CHST3: variants seen among roughly 807,000 people sequenced by gnomAD.
CHST3 encodes C6ST-1.
Under a neutral mutation model 35.4 loss-of-function variants are expected in CHST3, and 20 were observed. The observed-to-expected ratio is 0.57, with a 90% CI of 0.40 to 0.82. The LOEUF is 0.82. CHST3 is among the 40% of genes least tolerant of loss of function. The pLI is 0.00. For missense variants in CHST3, 693 were observed against 670.1 expected, an observed-to-expected ratio of 1.03 and a Z score of -0.38; for synonymous variants, 334 against 295.9, an observed-to-expected ratio of 1.13 and a Z score of -1.32.
At chr10:71,997,896 G>A (rs1395432186) in intron 1 of CHST3, among the ~76,000 whole-genome samples, 1 of 152,000 alleles carries the variant, frequency 6.6e-6, no homozygotes, top group Non-Finnish European at 1.5e-5. Context: ...TTGAACTCCT[G>A]ACCTCGTGAT....
chr10:71,972,623 T>C (rs1306988733), intron 1 of CHST3, among the ~76,000 whole-genome samples: 1 of 152,188 alleles, frequency 6.6e-6, no homozygotes, highest in Non-Finnish European at 1.5e-5. Context: ...TCTGCCTCCC[T>C]AGTGGCCATT....
rs1240581479 is a variant in CHST3, at chr10:72,008,261, C to T, written c.1230C>T (p.Asp410=). ...WIQKNTQAAH[D]GSGIYSTQKN... ...AAAAGAACACGCAGGCGGCCCACGA[C>T]GGCAGCGGCATCTACTCCACGCAGA... is the stretch of plus-strand genomic sequence containing the variant. Residue 410 remains aspartate, a synonymous_variant, in exon 3 of 3, where the codon GAC becomes GAT. Transcript: ENST00000373115. 3 of 1,580,536 alleles carry T rather than the reference C, an allele frequency of 1.9e-6. No individual in the cohort carries two copies. Among genetic ancestry groups the T allele is most frequent in the African/African-American group, 2.7e-5 (2 of 74,168 alleles).
At chr10:71,985,542 A>G (rs984140320) in intron 1 of CHST3, among the ~76,000 whole-genome samples, 2 of 151,954 alleles carry the variant, frequency 1.3e-5, no homozygotes, top group Admixed American at 6.6e-5. Context: ...TTTGAACCCA[A>G]CTAGTTCACT....
intron 1 of CHST3, among the ~76,000 whole-genome samples, chr10:71,979,230 G>A (rs563457430): frequency 4.6e-5 from 7 of 152,282 alleles, no homozygotes; most frequent in Admixed American, 2.0e-4. Flanking sequence ...GGCCTTGGGC[G>A]GGTCGCTCAG....
At chr10:71,984,783 T>C (rs1839832274) in intron 1 of CHST3, among the ~76,000 whole-genome samples, 1 of 152,242 alleles carries the variant, frequency 6.6e-6, no homozygotes, top group African/African-American at 2.4e-5. Context: ...AACAATTCCT[T>C]GTTCACTGTG....
At chr10:71,996,356 A>G (rs1026637661) in intron 1 of CHST3, among the ~76,000 whole-genome samples, 1 of 151,972 alleles carries the variant, frequency 6.6e-6, no homozygotes, top group Non-Finnish European at 1.5e-5. Context: ...ACAGAGATTC[A>G]TTGCTAACTT....
intron 1 of CHST3, among the ~76,000 whole-genome samples, chr10:71,971,161 G>A (rs1349779928): frequency 6.6e-6 from 1 of 152,188 alleles, no homozygotes; most frequent in Non-Finnish European, 1.5e-5. Flanking sequence ...GAGTGGCTGA[G>A]GGCCCTTCTC....
At chr10:71,996,448 C>CTGTG (rs1477534122) in intron 1 of CHST3, among the ~76,000 whole-genome samples, 19 of 106,160 alleles carry the variant, frequency 1.8e-4, no homozygotes, top group African/African-American at 7.7e-4. Flanking sequence ...GTATGTGTCT[C>CTGTG]TGCGTGTGTG....
intron 1 of CHST3, among the ~76,000 whole-genome samples, chr10:71,986,760 C>G (rs928991369): frequency 8.5e-5 from 13 of 152,222 alleles, no homozygotes; most frequent in African/African-American, 2.9e-4. Context: ...CAGCCAGTGT[C>G]CCTCCCCTGC....
intron 1 of CHST3, among the ~76,000 whole-genome samples, chr10:72,004,643 C>G (rs1397424035): frequency 6.6e-6 from 1 of 152,178 alleles, no homozygotes; most frequent in African/African-American, 2.4e-5. Flanking sequence ...TAGATGCAGC[C>G]ATTGTTACCA....
Position 72,008,219 on chromosome 10 carries a change from G to C in CHST3, c.1188G>C (p.Gln396His). ...TCGCCGGCATCCCCCTGACCCCGCA[G>C]GTGGAAGACTGGATCCAAAAGAACA... ...YRFAGIPLTP[Q>H]VEDWIQKNTQ... The change falls in exon 3 of 3, where the codon CAG (glutamine) becomes CAC (histidine). Residue 396 changes from glutamine to histidine, a missense_variant. By Grantham distance (24) the Gln-to-His change is conservative. Coordinates refer to ENST00000373115, the MANE Select transcript of CHST3 (RefSeq NM_004273.5). 4 of 1,556,752 alleles carry C rather than the reference G, an allele frequency of 2.6e-6. No individual in the cohort carries two copies. The highest frequency in any genetic ancestry group is 3.5e-6 in the Non-Finnish European group (4 of 1,150,452).
intron 1 of CHST3, among the ~76,000 whole-genome samples, chr10:71,991,778 C>CA (rs1447902677): frequency 1.3e-5 from 2 of 151,912 alleles, no homozygotes; most frequent in Admixed American, 6.6e-5. Context: ...ACTAAATATA[C>CA]AAAAAATTAG....
In CHST3 at chr10:72,007,235, C is replaced by A. The variant is rs1840047718; in HGVS notation, c.204C>A (p.Ala68=). 1 of 1,614,236 alleles carries A rather than the reference C, an allele frequency of 6.2e-7. No homozygotes were observed. Among genetic ancestry groups the A allele is most frequent in the Non-Finnish European group, 8.5e-7 (1 of 1,180,050 alleles). Residue 68 remains alanine, a synonymous_variant, in exon 3 of 3, where the codon GCC becomes GCA. Coordinates refer to ENST00000373115, the MANE Select transcript of CHST3 (RefSeq NM_004273.5). The part of the protein sequence containing the change: ...ALADANSTDP[A]LILAENASLL... ...CAGATGCCAACAGCACCGACCCAGC[C>A]CTGATCTTAGCTGAGAACGCATCTC...
At chr10:71,978,787 C>T (rs79913634) in intron 1 of CHST3, among the ~76,000 whole-genome samples, 1 of 152,314 alleles carries the variant, frequency 6.6e-6, no homozygotes, top group East Asian at 1.9e-4. Flanking sequence ...GGGAGGCGCC[C>T]TGCCTCTTCT....
intron 1 of CHST3, among the ~76,000 whole-genome samples, chr10:71,990,909 G>A (rs932251694): frequency 6.6e-6 from 1 of 152,226 alleles, no homozygotes; most frequent in African/African-American, 2.4e-5. Flanking sequence ...GGGCTATGCT[G>A]TAGGAACAAT....
chr10:71,970,438 G>A (rs778450785), intron 1 of CHST3, among the ~76,000 whole-genome samples: 9 of 152,108 alleles, frequency 5.9e-5, no homozygotes, highest in African/African-American at 9.7e-5. Context: ...CAACCACCTC[G>A]GAGGCCAGCC....
intron 1 of CHST3, among the ~76,000 whole-genome samples, chr10:71,979,072 C>T (rs1194674393): frequency 6.6e-6 from 1 of 152,172 alleles, no homozygotes; most frequent in African/African-American, 2.4e-5. Flanking sequence ...TTATTCAGTG[C>T]CATACAGCGA....
At chr10:72,001,936 G>C (rs1416034864) in intron 1 of CHST3, among the ~76,000 whole-genome samples, 1 of 152,182 alleles carries the variant, frequency 6.6e-6, no homozygotes, top group East Asian at 1.9e-4. Flanking sequence ...GGTGTCACAG[G>C]CCTGCTTCTT....
chr10:72,000,870 G>T (rs940612755), intron 1 of CHST3, among the ~76,000 whole-genome samples: 2 of 152,120 alleles, frequency 1.3e-5, no homozygotes, highest in East Asian at 3.9e-4. Flanking sequence ...AGCAGGAGGG[G>T]GTGTGGGGAG....
Sources: gnomAD v4.1 joint callset for allele counts (sites outside exome capture counted in the v4.1 genomes callset) on GRCh38, gnomAD v4.1.1 for gene constraint, MANE v1.5 for transcripts, NCBI Gene and HGNC (gene_info 2026-07-23, HGNC 2026-07-21) for gene names.